Variants in PRKCA observed in about 807,000 individuals in gnomAD.
PRKCA encodes protein kinase C alpha type.
A neutral mutation model predicts 87.0 loss-of-function variants in PRKCA; 27 were observed. That is an observed-to-expected ratio of 0.31 (90% CI 0.23 to 0.43). PRKCA has a LOEUF of 0.43. Among genes scored for constraint, PRKCA ranks in the 20% least tolerant of loss-of-function variants. The pLI, the probability that PRKCA is intolerant of heterozygous loss-of-function variation, is 1.00. For synonymous variants in PRKCA, 329 were observed against 311.1 expected (o/e 1.06, Z -0.61); for missense variants, 518 against 852.3 (o/e 0.61, Z 4.88).
intron 3 of PRKCA, among the ~76,000 whole-genome samples, chr17:66,510,695 GT>G (rs1462954957): frequency 6.6e-6 from 1 of 152,078 alleles, no homozygotes; most frequent in African/African-American, 2.4e-5. Flanking sequence ...TACTATTCTT[GT>G]TCATGAGAAA....
chr17:66,554,001 G>T (rs1473309421), intron 3 of PRKCA, among the ~76,000 whole-genome samples: 1 of 152,140 alleles, frequency 6.6e-6, no homozygotes, highest in Non-Finnish European at 1.5e-5. Context: ...ACAGCATGAG[G>T]TTATTAAAAT....
At chr17:66,537,584 GA>G (rs1967831311) in intron 3 of PRKCA, among the ~76,000 whole-genome samples, 1 of 152,172 alleles carries the variant, frequency 6.6e-6, no homozygotes, top group South Asian at 2.1e-4. Context: ...CATGTCATAA[GA>G]AAAGTCATGA....
intron 3 of PRKCA, among the ~76,000 whole-genome samples, chr17:66,633,031 C>A (rs969010828): frequency 2.6e-5 from 4 of 152,070 alleles, no homozygotes; most frequent in African/African-American, 9.7e-5. Context: ...TCACCAAAAA[C>A]GGAATTTCTT....
intron 8 of PRKCA, among the ~76,000 whole-genome samples, chr17:66,717,999 C>A (rs1973519674): frequency 6.6e-6 from 1 of 152,186 alleles, no homozygotes; most frequent in Admixed American, 6.5e-5. Context: ...TCGGATTGTG[C>A]AACCAGAAAA....
intron 2 of PRKCA, among the ~76,000 whole-genome samples, chr17:66,336,765 T>C (rs1405429316): frequency 1.1e-5 from 1 of 88,532 alleles, no homozygotes; most frequent in African/African-American, 4.6e-5. Context: ...TGTGTGTGTG[T>C]GTGTGTGTGT....
At chr17:66,458,964 G>C (rs926483180) in intron 2 of PRKCA, among the ~76,000 whole-genome samples, 1 of 152,120 alleles carries the variant, frequency 6.6e-6, no homozygotes, top group Non-Finnish European at 1.5e-5. Context: ...TTTACAGATG[G>C]GAACGTAGAG....
chr17:66,614,058 T>C (rs1022534294), intron 3 of PRKCA, among the ~76,000 whole-genome samples: 3 of 152,142 alleles, frequency 2.0e-5, no homozygotes, highest in South Asian at 2.1e-4. Context: ...CCCCGAGTGC[T>C]GGGATTACAG....
intron 3 of PRKCA, among the ~76,000 whole-genome samples, chr17:66,539,424 G>GA (rs1967902779): frequency 6.8e-6 from 1 of 146,972 alleles, no homozygotes; most frequent in Non-Finnish European, 1.5e-5. Context: ...TTTTTTTTGA[G>GA]ATGGAGTCTT....
At chr17:66,606,964 T>G (rs1420138467) in intron 3 of PRKCA, among the ~76,000 whole-genome samples, 1 of 152,224 alleles carries the variant, frequency 6.6e-6, no homozygotes, top group African/African-American at 2.4e-5. Context: ...TTAAAATTAC[T>G]GAAAGGAAAT....
intron 3 of PRKCA, among the ~76,000 whole-genome samples, chr17:66,521,478 G>C (rs1967159227): frequency 6.6e-6 from 1 of 151,942 alleles, no homozygotes; most frequent in Admixed American, 6.6e-5. Flanking sequence ...TTTCTAATAA[G>C]TACTATCTCC....
At chr17:66,604,544 A>C (rs184604103) in intron 3 of PRKCA, among the ~76,000 whole-genome samples, 1 of 152,210 alleles carries the variant, frequency 6.6e-6, no homozygotes, top group Middle Eastern at 3.2e-3. Context: ...TGGTTTGCTG[A>C]ATTCATTTTG....
intron 2 of PRKCA, chr17:66,416,672 A>G (rs1304651810): frequency 6.6e-6 from 1 of 152,178 alleles, no homozygotes; most frequent in Non-Finnish European, 1.5e-5. Context: ...AAGAAGTTGA[A>G]CAAGCCCCAT....
At chr17:66,769,477 T>A (rs72838627) in intron 13 of PRKCA, among the ~76,000 whole-genome samples, 9 of 152,308 alleles carry the variant, frequency 5.9e-5, no homozygotes, top group Admixed American at 2.6e-4. Flanking sequence ...AGCTGCTGAG[T>A]TACAAATATG....
chr17:66,370,612 G>A (rs1442906336), intron 2 of PRKCA, among the ~76,000 whole-genome samples: 2 of 134,170 alleles, frequency 1.5e-5, no homozygotes, highest in African/African-American at 5.8e-5. Context: ...GTGTAGTGGT[G>A]TGATCATAGG....
chr17:66,386,529 T>C (rs7213011), intron 2 of PRKCA, among the ~76,000 whole-genome samples: 87,315 of 152,098 alleles, frequency 0.57, 25,677 homozygotes, highest in Non-Finnish European at 0.65. Flanking sequence ...ATATGATGGG[T>C]ATGTAGAATA....
intron 2 of PRKCA, among the ~76,000 whole-genome samples, chr17:66,450,504 G>A (rs1171181256): frequency 6.6e-6 from 1 of 152,216 alleles, no homozygotes; most frequent in African/African-American, 2.4e-5. Context: ...ACAGTTCACA[G>A]AAGGCCTCCA....
At chr17:66,452,214 T>G (rs959005177) in intron 2 of PRKCA, among the ~76,000 whole-genome samples, 1 of 152,210 alleles carries the variant, frequency 6.6e-6, no homozygotes, top group East Asian at 1.9e-4. Flanking sequence ...TGTTCCTTTC[T>G]TTTTATTTGG....
chr17:66,780,862 C>T (rs561292240), intron 14 of PRKCA, among the ~76,000 whole-genome samples: 22 of 151,710 alleles, frequency 1.5e-4, no homozygotes, highest in Non-Finnish European at 2.7e-4. Flanking sequence ...AATCCCAGCA[C>T]TTTGAGAGGC....
At chr17:66,374,992 C>T (rs1395596704) in intron 2 of PRKCA, among the ~76,000 whole-genome samples, 1 of 152,090 alleles carries the variant, frequency 6.6e-6, no homozygotes, top group South Asian at 2.1e-4. Context: ...CTTGGCCTCT[C>T]GAAGTGCTGG....
Sources: gnomAD v4.1 joint callset for allele counts (sites outside exome capture counted in the v4.1 genomes callset) on GRCh38, gnomAD v4.1.1 for gene constraint, MANE v1.5 for transcripts, NCBI Gene and HGNC (gene_info 2026-07-23, HGNC 2026-07-21) for gene names.